The following NALF1 variants were observed in gnomAD, a reference collection of about 807,000 sequenced individuals.
NALF1 encodes NALCN channel auxiliary factor 1, also known as family with sequence similarity 155 member A.
NALF1 carries 3 observed loss-of-function variants against 48.4 expected under a neutral mutation model. The ratio of observed to expected loss-of-function variants is 0.06; its 90% confidence interval spans 0.03 to 0.16. NALF1 has a LOEUF of 0.16. Ranked by LOEUF, NALF1 falls within the 10% of genes least tolerant of loss-of-function variation. The pLI, the probability that NALF1 is intolerant of heterozygous loss-of-function variation, is 1.00. For synonymous variants in NALF1, 262 were observed against 245.7 expected, an observed-to-expected ratio of 1.07 and a Z score of -0.62; for missense variants, 526 against 571.5, an observed-to-expected ratio of 0.92 and a Z score of 0.81.
intron 1 of NALF1, among the ~76,000 whole-genome samples, chr13:107,597,275 C>A (rs1009496246): frequency 2.6e-5 from 4 of 152,122 alleles, no homozygotes; most frequent in Admixed American, 6.5e-5. Context: ...TGCACATACA[C>A]ACACACACAA....
intron 2 of NALF1, among the ~76,000 whole-genome samples, chr13:107,208,874 C>G (rs1044172630): frequency 6.6e-6 from 1 of 152,028 alleles, no homozygotes; most frequent in African/African-American, 2.4e-5. Flanking sequence ...TTCCCTCTTC[C>G]CTCCTTCCTC....
chr13:107,274,235 T>C (rs1016045692), intron 1 of NALF1, among the ~76,000 whole-genome samples: 35 of 152,134 alleles, frequency 2.3e-4, no homozygotes, highest in East Asian at 1.4e-3. Context: ...CGGCACCAAA[T>C]GCACCAGCGA....
At chr13:107,487,939 C>T (rs965601772) in intron 1 of NALF1, among the ~76,000 whole-genome samples, 1 of 151,720 alleles carries the variant, frequency 6.6e-6, no homozygotes, top group Non-Finnish European at 1.5e-5. Flanking sequence ...ATCACTGCCT[C>T]AATTTCAGAA....
intron 1 of NALF1, among the ~76,000 whole-genome samples, chr13:107,772,171 T>C (rs1877599017): frequency 6.6e-6 from 1 of 152,094 alleles, no homozygotes; most frequent in Non-Finnish European, 1.5e-5. Context: ...GACCCGTCCC[T>C]CCTCTTACTT....
intron 1 of NALF1, among the ~76,000 whole-genome samples, chr13:107,528,291 C>T (rs1021003562): frequency 4.0e-5 from 6 of 151,816 alleles, no homozygotes; most frequent in African/African-American, 9.7e-5. Flanking sequence ...TCATAATAAA[C>T]GTTATGTCAT....
rs150048324 is a variant in NALF1, at chr13:107,732,896, C to T, written c.915+132786G>A. Among the ~76,000 whole-genome samples the T allele has an allele frequency of 7.3e-3, 1,115 of 152,182 alleles. 6 individuals are homozygous for T. The highest frequency in any genetic ancestry group is 0.012 in the Non-Finnish European group (791 of 68,014). On this transcript the variant is annotated intron_variant, in intron 1 of 2. Transcript: ENST00000375915. ...AAGACACATATGGACAAACTTTCTA[C>T]CCGTCTGGTAAAAAGAAACTTGACT...
chr13:107,384,738 G>A (rs901345889), intron 1 of NALF1, among the ~76,000 whole-genome samples: 13 of 152,256 alleles, frequency 8.5e-5, no homozygotes, highest in South Asian at 2.1e-4. Flanking sequence ...ACAAAAGAAG[G>A]TGAACCATGG....
At chr13:107,538,934 AT>A (rs1876919786) in intron 1 of NALF1, among the ~76,000 whole-genome samples, 2 of 152,104 alleles carry the variant, frequency 1.3e-5, no homozygotes, top group African/African-American at 4.8e-5. Context: ...ACCCATTCTT[AT>A]TATAATTATG....
chr13:107,443,203 T>A (rs1338563794), intron 1 of NALF1, among the ~76,000 whole-genome samples: 1 of 151,980 alleles, frequency 6.6e-6, no homozygotes, highest in Non-Finnish European at 1.5e-5. Context: ...TATCTATCTA[T>A]CTATCTATCT....
chr13:107,171,419 C>T (rs1272608046), intron 2 of NALF1, among the ~76,000 whole-genome samples: 1 of 152,334 alleles, frequency 6.6e-6, no homozygotes, highest in African/African-American at 2.4e-5. Flanking sequence ...GCTTCATTAT[C>T]TTTTGCTGGG....
Position 107,340,525 on chromosome 13 carries a change from T to C in NALF1, c.916-129770A>G, listed in dbSNP as rs572825339. ...TCTTTCTTTTCTTTCTTTCTCTCTC[T>C]TTTTTTTTTTAATATCAAGCTAGAA... On this transcript the variant is annotated intron_variant, in intron 1 of 2. Transcript: ENST00000375915. Among the ~76,000 whole-genome samples, 665 of 81,940 alleles carry C rather than the reference T, an allele frequency of 8.1e-3. 2 individuals are homozygous for C. Among genetic ancestry groups the C allele is most frequent in the Non-Finnish European group, 0.011 (503 of 44,398 alleles). 53.8% of individuals were successfully genotyped at this position (81,940 alleles called of 152,430 possible). A position where few individuals can be genotyped will look rare whatever the true frequency, so the allele number is the denominator to read the frequency against.
At chr13:107,312,425 G>T (rs555652724) in intron 1 of NALF1, among the ~76,000 whole-genome samples, 7 of 152,140 alleles carry the variant, frequency 4.6e-5, no homozygotes, top group African/African-American at 1.7e-4. Context: ...CCTGTTGTGG[G>T]GTGGGGGAAG....
At chr13:107,834,767 T>C (rs1319478603) in intron 1 of NALF1, among the ~76,000 whole-genome samples, 1 of 152,236 alleles carries the variant, frequency 6.6e-6, no homozygotes, top group Non-Finnish European at 1.5e-5. Flanking sequence ...TGCAATTTAA[T>C]TTTGAATATT....
chr13:107,747,986 T>C (rs2138549900), intron 1 of NALF1, among the ~76,000 whole-genome samples: 1 of 152,326 alleles, frequency 6.6e-6, no homozygotes, highest in Middle Eastern at 3.4e-3. Context: ...AGGAACATCG[T>C]AAGTAAACTA....
chr13:107,779,455 G>T (rs748070659), intron 1 of NALF1, among the ~76,000 whole-genome samples: 5 of 152,058 alleles, frequency 3.3e-5, no homozygotes, highest in Admixed American at 3.3e-4. Context: ...CTTCCAAATC[G>T]GATCCAGTGG....
intron 1 of NALF1, among the ~76,000 whole-genome samples, chr13:107,323,644 A>C (rs1882297862): frequency 6.6e-6 from 1 of 152,166 alleles, no homozygotes; most frequent in Non-Finnish European, 1.5e-5. Context: ...GCCTGTTTTC[A>C]CAGCCCAGAG....
At chr13:107,809,140 G>A (rs552778148) in intron 1 of NALF1, among the ~76,000 whole-genome samples, 32 of 151,942 alleles carry the variant, frequency 2.1e-4, no homozygotes, top group African/African-American at 7.7e-4. Context: ...GGAGTTTGGG[G>A]ATTCAGCATT....
intron 1 of NALF1, among the ~76,000 whole-genome samples, chr13:107,777,706 TCTTTA>T (rs2138575605): frequency 6.6e-6 from 1 of 152,280 alleles, no homozygotes; most frequent in East Asian, 1.9e-4. Context: ...AAACCCTTTT[TCTTTA>T]CCCAGCCTCA....
At chr13:107,543,475 ACTTATTAGATATCTTC>A (rs1233994943) in intron 1 of NALF1, among the ~76,000 whole-genome samples, 1 of 152,020 alleles carries the variant, frequency 6.6e-6, no homozygotes, top group Non-Finnish European at 1.5e-5. Flanking sequence ...ATAGGTATTC[ACTTATTAGATATCTTC>A]CTAGAAAAAA....
Sources: allele counts gnomAD v4.1 joint callset (sites outside exome capture counted in the v4.1 genomes callset), GRCh38; gene constraint gnomAD v4.1.1; transcripts MANE v1.5; gene names NCBI Gene and HGNC (gene_info 2026-07-23, HGNC 2026-07-21).